DNAH8: variants seen among roughly 807,000 people sequenced by gnomAD.
DNAH8 encodes axonemal beta dynein heavy chain 8.
A neutral mutation model predicts 562.1 loss-of-function variants in DNAH8; 382 were observed. The ratio of observed to expected loss-of-function variants is 0.68; its 90% CI spans 0.63 to 0.74. DNAH8 has a LOEUF of 0.74. Among genes scored for constraint, DNAH8 ranks in the 30% least tolerant of loss-of-function variants. The pLI is 0.00. For synonymous variants in DNAH8, 1,881 were observed against 1,919.4 expected, an observed-to-expected ratio of 0.98 and a Z score of 0.52; for missense variants, 5,203 against 5,620.4, an observed-to-expected ratio of 0.93 and a Z score of 2.37.
chr6:38,869,120 A>G (rs1343575843), intron 48 of DNAH8, among the ~76,000 whole-genome samples: 3 of 152,218 alleles, frequency 2.0e-5, no homozygotes, highest in African/African-American at 7.2e-5. Flanking sequence ...TACAAAAACT[A>G]ACATCTGTGG....
intron 88 of DNAH8, among the ~76,000 whole-genome samples, chr6:39,007,046 C>T (rs1466412824): frequency 1.3e-5 from 2 of 152,176 alleles, no homozygotes; most frequent in Admixed American, 1.3e-4. Context: ...CCAGCATTCA[C>T]TTTATTTCCA....
intron 22 of DNAH8, among the ~76,000 whole-genome samples, chr6:38,803,934 A>G (rs72851511): frequency 0.14 from 21,401 of 152,036 alleles, 1,696 homozygotes; most frequent in Admixed American, 0.23. Flanking sequence ...TCCCCCTCCC[A>G]TGATTAAAGG....
chr6:38,892,540 C>T (rs770393157), intron 58 of DNAH8, among the ~76,000 whole-genome samples: 1 of 152,122 alleles, frequency 6.6e-6, no homozygotes, highest in South Asian at 2.1e-4. Flanking sequence ...GTGACCTCCC[C>T]TTCAAAATCT....
At chr6:38,909,795 C>T (rs1183656940) in intron 65 of DNAH8, 51 bp downstream of exon 65, 4 of 1,422,270 alleles carry the variant, frequency 2.8e-6, no homozygotes, top group Admixed American at 1.7e-5. Flanking sequence ...GCATGTATTC[C>T]CAAGAGGAAT....
intron 53 of DNAH8, among the ~76,000 whole-genome samples, chr6:38,879,733 A>C (rs1393411600): frequency 6.6e-6 from 1 of 152,184 alleles, no homozygotes; most frequent in Non-Finnish European, 1.5e-5. Flanking sequence ...GTGGGGGGCA[A>C]ATCAAATGTC....
chr6:38,746,455 T>C (rs1764936523), intron 8 of DNAH8, among the ~76,000 whole-genome samples: 1 of 152,188 alleles, frequency 6.6e-6, no homozygotes. Flanking sequence ...TTTATTTTAT[T>C]GGAGAGTAGT....
chr6:38,749,528 C>G (rs956711303), intron 8 of DNAH8, among the ~76,000 whole-genome samples: 1 of 125,654 alleles, frequency 8.0e-6, no homozygotes, highest in South Asian at 2.4e-4. Context: ...TATCCTGGAA[C>G]TTAAAGTAAA....
chr6:38,735,519 T>C (rs1626739), intron 5 of DNAH8, among the ~76,000 whole-genome samples: 40,967 of 152,126 alleles, frequency 0.27, 6,264 homozygotes, highest in Middle Eastern at 0.36. Context: ...TGCTTTTGCT[T>C]GTTGTCTTCA....
intron 15 of DNAH8, among the ~76,000 whole-genome samples, chr6:38,780,870 C>T (rs572973105): frequency 6.6e-6 from 1 of 152,154 alleles, no homozygotes; most frequent in South Asian, 2.1e-4. Flanking sequence ...TATCATATTG[C>T]CCCCGTTTTC....
intron 57 of DNAH8, among the ~76,000 whole-genome samples, chr6:38,889,973 T>A (rs1411747907): frequency 6.6e-6 from 1 of 151,888 alleles, no homozygotes; most frequent in Admixed American, 6.6e-5. Context: ...AGAGTAAATC[T>A]TTCTTCGGTC....
intron 85 of DNAH8, among the ~76,000 whole-genome samples, chr6:38,976,722 AC>A (rs1763702895): frequency 6.6e-6 from 1 of 152,238 alleles, no homozygotes; most frequent in Non-Finnish European, 1.5e-5. Flanking sequence ...TTTGTGACTT[AC>A]GTTTCTTTTC....
intron 8 of DNAH8, among the ~76,000 whole-genome samples, chr6:38,745,230 A>G (rs1298018772): frequency 1.3e-5 from 2 of 152,206 alleles, no homozygotes; most frequent in Non-Finnish European, 2.9e-5. Flanking sequence ...TCATGGGGGA[A>G]CAAATGCAAC....
At chr6:38,795,670 T>G (rs1343818986) in intron 21 of DNAH8, among the ~76,000 whole-genome samples, 1 of 151,986 alleles carries the variant, frequency 6.6e-6, no homozygotes, top group Non-Finnish European at 1.5e-5. Context: ...TCACTTGCCC[T>G]GGAGTGATCT....
chr6:39,028,031 G>A (rs1767411202), intron 92 of DNAH8, among the ~76,000 whole-genome samples: 1 of 151,966 alleles, frequency 6.6e-6, no homozygotes, highest in Non-Finnish European at 1.5e-5. Flanking sequence ...ACCTTATAAC[G>A]AGGGCCACGT....
chr6:39,019,809 G>C (rs1291251596), intron 91 of DNAH8, among the ~76,000 whole-genome samples: 1 of 152,166 alleles, frequency 6.6e-6, no homozygotes, highest in Non-Finnish European at 1.5e-5. Context: ...GCAGCAGATG[G>C]GTATATGGCA....
At chr6:38,890,815 G>C in intron 58 of DNAH8, 54 bp downstream of exon 58, 1 of 1,225,830 alleles carries the variant, frequency 8.2e-7, no homozygotes, top group Non-Finnish European at 1.2e-6. Context: ...TTCAGCCCTA[G>C]ATCACACCTC....
intron 35 of DNAH8, among the ~76,000 whole-genome samples, chr6:38,844,535 A>G (rs1775123973): frequency 6.6e-6 from 1 of 152,086 alleles, no homozygotes; most frequent in East Asian, 1.9e-4. Context: ...AGGTAGAAAC[A>G]CTTTGGTGAC....
At chr6:38,832,558 G>A (rs1728133677) in intron 31 of DNAH8, 123 bp downstream of exon 31, 1 of 586,856 alleles carries the variant, frequency 1.7e-6, no homozygotes, top group Non-Finnish European at 3.0e-6. Flanking sequence ...CGTATTTGCA[G>A]CTATCAGAAA....
chr6:38,945,562 C>T lies in DNAH8; in HGVS notation c.12103C>T (p.Pro4035Ser), dbSNP rs190626920. 8.7e-6 allele frequency: 14 copies of T among 1,614,100 alleles called. No individual in the cohort carries two copies. The East Asian group carries it at 2.9e-4, about 33-fold the overall frequency. ...WLNLVELSKL[P>S]QFAEIMNQIS... Reference sequence around the variant, plus strand: ...GAATCTTGTGGAGCTGAGTAAACTTCCACAATTTGCAGAAATTATGAACCA... The same window carrying T: ...GAATCTTGTGGAGCTGAGTAAACTTTCACAATTTGCAGAAATTATGAACCA... The change falls in exon 80 of 93, where the codon CCA (proline) becomes TCA (serine). Residue 4035 changes from proline (P) to serine (S), a missense_variant. By Grantham distance (74) the Pro-to-Ser change is moderately conservative. Transcript: ENST00000327475.
Sources: allele counts gnomAD v4.1 joint callset (sites outside exome capture counted in the v4.1 genomes callset), GRCh38; gene constraint gnomAD v4.1.1; transcripts MANE v1.5; gene names NCBI Gene and HGNC (gene_info 2026-07-23, HGNC 2026-07-21).